The following DELE1 variants were observed in gnomAD, a reference collection of about 807,000 sequenced individuals.
The protein encoded by DELE1 is death ligand signal enhancer.
In DELE1, 54 loss-of-function variants were observed where a neutral mutation model predicts 59.3. The ratio of observed to expected loss-of-function variants is 0.91; its 90% CI spans 0.73 to 1.14. DELE1 has a LOEUF of 1.14. Ranked by LOEUF, DELE1 falls within the 50% of genes most tolerant of loss-of-function variation. DELE1 has a pLI of 0.00. For synonymous variants in DELE1, 264 were observed against 259.1 expected (o/e 1.02, Z -0.18); for missense variants, 636 against 643.9 (o/e 0.99, Z 0.13).
intron 7 of DELE1, among the ~76,000 whole-genome samples, chr5:141,932,200 G>A (rs934926169): frequency 2.0e-5 from 3 of 152,170 alleles, no homozygotes; most frequent in Admixed American, 6.6e-5. Context: ...AAGATCCCAG[G>A]CAGGAGAGAC....
chr5:141,939,846 C>T lies in DELE1; in HGVS notation c.*1087C>T. 1 of 560,328 alleles carries T rather than the reference C, an allele frequency of 1.8e-6. No individual in the cohort carries two copies. The highest frequency in any genetic ancestry group is 2.3e-6 in the Non-Finnish European group (1 of 441,642). The allele number at this position is 560,328 out of a possible 1,614,324, so 34.7% of individuals were successfully genotyped here. Reference sequence around the variant, plus strand: ...AGAAGACAAATGCAAGGGCATTTCACCACAGAGAGGACCTTTGTGCTCACT... The same window carrying T: ...AGAAGACAAATGCAAGGGCATTTCATCACAGAGAGGACCTTTGTGCTCACT... On this transcript the variant is annotated 3_prime_UTR_variant, in exon 12 of 12. Transcript: ENST00000432126.
chr5:141,936,085 A>G (rs533824818), intron 10 of DELE1, among the ~76,000 whole-genome samples: 78 of 152,306 alleles, frequency 5.1e-4, no homozygotes, highest in African/African-American at 1.7e-3. Context: ...TTGAGAGTCA[A>G]TAGTGTTTTG....
intron 5 of DELE1, 92 bp downstream of exon 5, chr5:141,929,832 C>A: frequency 6.5e-7 from 1 of 1,544,730 alleles, no homozygotes; most frequent in Non-Finnish European, 8.9e-7. Context: ...AGGGAATTGG[C>A]ACTCCTGTGA....
intron 1 of DELE1, among the ~76,000 whole-genome samples, chr5:141,924,207 A>C (rs187788662): frequency 6.6e-6 from 1 of 152,310 alleles, no homozygotes; most frequent in African/African-American, 2.4e-5. Context: ...GGAGGAGTCC[A>C]ATGGCAGGAG....
Position 141,937,361 on chromosome 5 carries a change from C to G in DELE1, c.1309+4C>G, listed in dbSNP as rs371163953. 122 of 1,613,768 alleles carry G rather than the reference C, an allele frequency of 7.6e-5. 1 individual carries two copies. The South Asian group carries it at 9.7e-4, about 13-fold the overall frequency. Reference sequence around the variant, plus strand: ...CTCTTTTCCATGGGGGCTGCAGGTACAGACCCAAGTCCAAGCCAACAGGTT... The same window carrying G: ...CTCTTTTCCATGGGGGCTGCAGGTAGAGACCCAAGTCCAAGCCAACAGGTT... On this transcript the variant is annotated splice_donor_region_variant and intron_variant, in intron 11 of 11. Coordinates refer to ENST00000432126, the MANE Select transcript of DELE1 (RefSeq NM_014773.5).
intron 10 of DELE1, 108 bp downstream of exon 10, chr5:141,934,694 C>A: frequency 9.1e-7 from 1 of 1,100,402 alleles, no homozygotes; most frequent in Non-Finnish European, 1.4e-6. Flanking sequence ...TGGATAGGAG[C>A]CTTGGCCTGG....
chr5:141,934,857 T>C (rs544492705), intron 10 of DELE1: 1 of 493,206 alleles, frequency 2.0e-6, no homozygotes, highest in African/African-American at 1.9e-5. Flanking sequence ...CTAAATGCCA[T>C]AAAACAGGGC....
In DELE1 at chr5:141,935,736, A is replaced by G. The variant is rs571616192; in HGVS notation, c.1149+1150A>G. ...ATCCATGTGCAGGGCAAGACTGGGC[A>G]TGCTGGCCTGCTTTAATCAGACCAG... On this transcript the variant is annotated intron_variant, in intron 10 of 11. Transcript: ENST00000432126. Among the ~76,000 whole-genome samples, 9 of 152,140 alleles carry G rather than the reference A, an allele frequency of 5.9e-5. No individual in the cohort carries two copies. The South Asian group carries it at 1.7e-3, about 28-fold the overall frequency.
chr5:141,939,057 CT>C lies in DELE1; in HGVS notation c.*301del. 1 of 1,144,024 alleles carries C rather than the reference CT, an allele frequency of 8.7e-7. No homozygotes were observed. Among genetic ancestry groups the C allele is most frequent in the Non-Finnish European group, 1.1e-6 (1 of 929,850 alleles). 70.9% of individuals were successfully genotyped at this position (1,144,024 alleles called of 1,614,324 possible). On this transcript the variant is annotated 3_prime_UTR_variant, in exon 12 of 12. Coordinates refer to ENST00000432126, the MANE Select transcript of DELE1 (RefSeq NM_014773.5). ...CAGAGACCCTGGTGCTCACCTTAGC[CT>C]TTGTCTTTGAGCAAATAACTTACCT...
At chr5:141,926,759 G>A (rs1236300049) in intron 3 of DELE1, among the ~76,000 whole-genome samples, 4 of 152,234 alleles carry the variant, frequency 2.6e-5, no homozygotes, top group Non-Finnish European at 4.4e-5. Flanking sequence ...ATACCCTGAA[G>A]AGAGGAGCAT....
intron 11 of DELE1, among the ~76,000 whole-genome samples, 192 bp from the exon 12 acceptor site, chr5:141,938,329 G>A (rs540723324): frequency 2.6e-5 from 4 of 152,286 alleles, no homozygotes; most frequent in African/African-American, 9.6e-5. Context: ...TGATGATTTT[G>A]TAGGAGAGAC....
At chr5:141,933,530 G>A (rs1752110187) in intron 8 of DELE1, 129 bp downstream of exon 8, 1 of 605,404 alleles carries the variant, frequency 1.7e-6, no homozygotes, top group Admixed American at 4.2e-5. Context: ...CAGCTGCGAA[G>A]GAAAAATAAG....
At chr5:141,924,881 A>T (rs1751259658) in intron 2 of DELE1, among the ~76,000 whole-genome samples, 186 bp downstream of exon 2, 1 of 151,476 alleles carries the variant, frequency 6.6e-6, no homozygotes, top group Admixed American at 6.6e-5. Context: ...CAGCCTCCCG[A>T]GTAGCTGGGA....
At chr5:141,934,673 TAGG>T in intron 10 of DELE1, 87 bp downstream of exon 10, 1 of 1,289,214 alleles carries the variant, frequency 7.8e-7, no homozygotes, top group East Asian at 2.3e-5. Context: ...CTTCTGTGCT[TAGG>T]AGATTGTTGG....
In DELE1 at chr5:141,939,723, C is replaced by T; in HGVS notation, c.*964C>T. On this transcript the variant is annotated 3_prime_UTR_variant, in exon 12 of 12. Transcript: ENST00000432126. ...GTGTGAAGACCCAGGTCTGGCTCTG[C>T]CACTTGCCTGGCCATGTCACCTTGA... 1.0e-6 allele frequency: 1 copy of T among 983,522 alleles called. No homozygotes were observed. Among genetic ancestry groups the T allele is most frequent in the Non-Finnish European group, 1.2e-6 (1 of 827,816 alleles). 60.9% of individuals were successfully genotyped at this position (983,522 alleles called of 1,614,324 possible).
chr5:141,939,283 A>G lies in DELE1; in HGVS notation c.*524A>G. 4.8e-6 allele frequency: 3 copies of G among 621,302 alleles called. No homozygotes were observed. Among genetic ancestry groups the G allele is most frequent in the Non-Finnish European group, 6.0e-6 (3 of 498,564 alleles). The allele number at this position is 621,302 out of a possible 1,614,324, so 38.5% of individuals were successfully genotyped here. On this transcript the variant is annotated 3_prime_UTR_variant, in exon 12 of 12. Transcript: ENST00000432126. ...TAGTTTGATAGATGTTCTGTCTAGG[A>G]TAAAGCTAACTGTAAAAAAAAATAG...
chr5:141,924,816 G>A (rs1751252674), intron 2 of DELE1, 121 bp downstream of exon 2: 1 of 643,990 alleles, frequency 1.6e-6, no homozygotes, highest in Non-Finnish European at 2.7e-6. Flanking sequence ...AGTGCAGTGG[G>A]GCAATCTCAG....
At chr5:141,929,208 C>G (rs1751677494) in intron 4 of DELE1, among the ~76,000 whole-genome samples, 1 of 152,184 alleles carries the variant, frequency 6.6e-6, no homozygotes, top group Admixed American at 6.5e-5. Context: ...AGGACTCAGT[C>G]AAGCCCGAGC....
chr5:141,925,367 C>A (rs747899941), intron 2 of DELE1, 43 bp from the exon 3 acceptor site: 32 of 1,364,362 alleles, frequency 2.3e-5, no homozygotes, highest in Non-Finnish European at 3.0e-5. Context: ...AGTCCCTGGT[C>A]TCCCTTTGCC....
Sources: allele counts gnomAD v4.1 joint callset (sites outside exome capture counted in the v4.1 genomes callset), GRCh38; gene constraint gnomAD v4.1.1; transcripts MANE v1.5; gene names NCBI Gene and HGNC (gene_info 2026-07-23, HGNC 2026-07-21).